Variants in PHEX observed in about 807,000 individuals in gnomAD.
PHEX encodes phosphate-regulating neutral endopeptidase PHEX.
PHEX carries 16 observed loss-of-function variants against 68.0 expected under a neutral mutation model. The ratio of observed to expected loss-of-function variants is 0.24; its 90% CI spans 0.16 to 0.36. The LOEUF is 0.36. PHEX is among the 10% of genes least tolerant of loss of function. PHEX has a pLI of 1.00. For synonymous variants in PHEX, 208 were observed against 205.1 expected (o/e 1.01, Z -0.12); for missense variants, 480 against 575.5 (o/e 0.83, Z 1.70).
At chrX:22,068,124 C>T (rs1449557687) in intron 3 of PHEX, among the ~76,000 whole-genome samples, 1 of 110,990 alleles carries the variant, frequency 9.0e-6, no homozygotes, top group Admixed American at 9.6e-5. Flanking sequence ...AGGCGTGAGC[C>T]ACCGCGCCTG....
At chrX:22,118,594 T>A (rs182241127) in intron 11 of PHEX, among the ~76,000 whole-genome samples, 4 of 110,815 alleles carry the variant, frequency 3.6e-5, no homozygotes, top group African/African-American at 6.6e-5. Flanking sequence ...CCCGCCCCAC[T>A]TCTCCTCCGT....
At chrX:22,208,496 G>A (rs1407799021) in intron 15 of PHEX, among the ~76,000 whole-genome samples, 1 of 112,155 alleles carries the variant, frequency 8.9e-6, no homozygotes, top group Non-Finnish European at 1.9e-5. Context: ...TGGACATTTA[G>A]CTTGTTGCAC....
chrX:22,127,694 A>G (rs1931793517), intron 11 of PHEX, among the ~76,000 whole-genome samples: 2 of 108,905 alleles, frequency 1.8e-5, no homozygotes, highest in Non-Finnish European at 3.8e-5. Context: ...ATAAATCTGT[A>G]AAGTCTGCCA....
chrX:22,196,290 T>C (rs1934365778), intron 15 of PHEX, among the ~76,000 whole-genome samples: 2 of 112,660 alleles, frequency 1.8e-5, no homozygotes, highest in South Asian at 7.3e-4. Flanking sequence ...ATAGTATGCA[T>C]GGACATCTGG....
intron 9 of PHEX, among the ~76,000 whole-genome samples, chrX:22,105,895 T>G (rs1268161175): frequency 8.9e-6 from 1 of 111,808 alleles, no homozygotes; most frequent in Non-Finnish European, 1.9e-5. Flanking sequence ...TTTTGGAATA[T>G]TTGCATTATA....
rs754294875 is a variant in PHEX, at chrX:22,087,914, T to A, written c.664-2515T>A. 4.5e-4 allele frequency among the ~76,000 whole-genome samples: 50 copies of A among 112,143 alleles called. 1 individual carries two copies. Among genetic ancestry groups the A allele is most frequent in the African/African-American group, 1.6e-3 (49 of 30,916 alleles). Reference sequence around the variant, plus strand: ...GTGCTGGAAATTTTTTTAAAGTATCTTAAAATTTACATAAATTCATTTTTT... The same window carrying A: ...GTGCTGGAAATTTTTTTAAAGTATCATAAAATTTACATAAATTCATTTTTT... On this transcript the variant is annotated intron_variant, in intron 5 of 21. Coordinates refer to ENST00000379374, the MANE Select transcript of PHEX (RefSeq NM_000444.6).
Position 22,114,474 on chromosome X carries a change from C to A in PHEX, c.1190C>A (p.Thr397Lys). 2 of 1,203,004 alleles carry A rather than the reference C, an allele frequency of 1.7e-6. No homozygotes were observed. The highest frequency in any genetic ancestry group is 2.3e-6 in the Non-Finnish European group (2 of 887,717). The change falls in exon 11 of 22, where the codon ACA becomes AAA. Residue 397 changes from threonine to lysine, a missense_variant. Transcript: ENST00000379374. ...CTCCCACAGGTAATCCAGGGGACCA[C>A]AACTTTGCTGCCTCAATGGGACAAA... ...LEFSRVIQGT[T>K]TLLPQWDKCV... is the part of the protein sequence containing the mutation.
chrX:22,036,992 G>T (rs1353439078), intron 1 of PHEX, among the ~76,000 whole-genome samples: 1 of 107,208 alleles, frequency 9.3e-6, no homozygotes, highest in African/African-American at 3.4e-5. Context: ...CCAGCTACTC[G>T]GGAGGCTGAG....
rs1425993832 is a variant in PHEX, at chrX:22,129,059, C to A, written c.1303-4464C>A. 5.4e-5 allele frequency among the ~76,000 whole-genome samples: 6 copies of A among 111,282 alleles called. No homozygotes were observed. In the Admixed American group the frequency reaches 5.7e-4, roughly 11 times the overall value. The stretch of plus-strand genomic sequence containing the variant: ...TTATGTGAATGTGGTCTCTCTTTCT[C>A]TCAAAGTATCTTATGGTATTGAACT... On this transcript the variant is annotated intron_variant, in intron 11 of 21. Coordinates refer to ENST00000379374, the MANE Select transcript of PHEX (RefSeq NM_000444.6).
At chrX:22,113,943 CTTTTTTTT>C (rs746349559) in intron 10 of PHEX, among the ~76,000 whole-genome samples, 6 of 63,982 alleles carry the variant, frequency 9.4e-5, no homozygotes, top group Middle Eastern at 0.022. Context: ...TCTTCTTCTT[CTTTTTTTT>C]TTTTTTTTTT....
At chrX:22,178,919 C>T (rs1372012797) in intron 14 of PHEX, among the ~76,000 whole-genome samples, 1 of 111,724 alleles carries the variant, frequency 9.0e-6, no homozygotes, top group East Asian at 2.8e-4. Flanking sequence ...TCCTTAGGAA[C>T]TTTTAGGCCC....
At chrX:22,071,514 C>T (rs1928900673) in intron 3 of PHEX, among the ~76,000 whole-genome samples, 1 of 111,884 alleles carries the variant, frequency 8.9e-6, no homozygotes, top group Admixed American at 9.5e-5. Flanking sequence ...ATGCCAAGCT[C>T]TGGGTCCTGG....
At chrX:22,180,068 G>T in intron 14 of PHEX, among the ~76,000 whole-genome samples, 1 of 108,507 alleles carries the variant, frequency 9.2e-6, no homozygotes. Flanking sequence ...TCTTCTCTGT[G>T]GTATGTAGCT....
At chrX:22,050,554 G>C (rs1417526295) in intron 3 of PHEX, among the ~76,000 whole-genome samples, 1 of 93,925 alleles carries the variant, frequency 1.1e-5, no homozygotes, top group East Asian at 3.5e-4. Context: ...CTGGGCGACA[G>C]AGTGAGACTT....
chrX:22,230,055 A>T (rs949186873), intron 20 of PHEX, among the ~76,000 whole-genome samples: 2 of 109,624 alleles, frequency 1.8e-5, no homozygotes, highest in African/African-American at 6.6e-5. Flanking sequence ...ATGGTTGTAG[A>T]TGTGTGGTGT....
chrX:22,047,846 T>C (rs1309806207), intron 3 of PHEX, among the ~76,000 whole-genome samples: 1 of 111,891 alleles, frequency 8.9e-6, no homozygotes, highest in Non-Finnish European at 1.9e-5. Context: ...TCTGTTAGCA[T>C]TGGATCTAAT....
intron 11 of PHEX, among the ~76,000 whole-genome samples, chrX:22,129,827 C>T (rs985618082): frequency 9.0e-6 from 1 of 111,676 alleles, no homozygotes. Flanking sequence ...ACTCCAAACC[C>T]TCAGACCCTT....
At chrX:22,077,287 C>T in intron 4 of PHEX, among the ~76,000 whole-genome samples, 189 bp from the exon 5 acceptor site, 1 of 111,500 alleles carries the variant, frequency 9.0e-6, no homozygotes, top group African/African-American at 3.3e-5. Flanking sequence ...CACATTGAAG[C>T]GTGGATCGTA....
intron 10 of PHEX, among the ~76,000 whole-genome samples, chrX:22,111,947 T>C: frequency 8.9e-6 from 1 of 112,114 alleles, no homozygotes; most frequent in Non-Finnish European, 1.9e-5. Context: ...TTCTCAGTAT[T>C]CTGAATATTT....
Sources: gnomAD v4.1 joint callset for allele counts (sites outside exome capture counted in the v4.1 genomes callset) on GRCh38, gnomAD v4.1.1 for gene constraint, MANE v1.5 for transcripts, NCBI Gene and HGNC (gene_info 2026-07-23, HGNC 2026-07-21) for gene names.